The following GRIK2 variants were observed in gnomAD, a reference collection of about 807,000 sequenced individuals.
GRIK2 encodes glutamate ionotropic receptor kainate type subunit 2, also known as glutamate receptor ionotropic, kainate 2.
In GRIK2, 32 loss-of-function variants were observed where a neutral mutation model predicts 100.3. That is an observed-to-expected ratio of 0.32 (90% CI 0.24 to 0.43). The LOEUF (loss-of-function observed/expected upper bound fraction) is 0.43, where lower values mean the gene tolerates loss of function less well. Ranked by LOEUF, GRIK2 falls within the 20% of genes least tolerant of loss-of-function variation. The pLI, the probability that GRIK2 is intolerant of heterozygous loss-of-function variation, is 1.00. For missense variants in GRIK2, 843 were observed against 1,114.9 expected (o/e 0.76, Z 3.47); for synonymous variants, 417 against 389.4 (o/e 1.07, Z -0.83).
chr6:101,813,692 G>A (rs886460581), intron 9 of GRIK2, among the ~76,000 whole-genome samples: 3 of 152,078 alleles, frequency 2.0e-5, no homozygotes, highest in Admixed American at 2.0e-4. Flanking sequence ...GGCTGGGCAC[G>A]GTGGCTCATG....
intron 9 of GRIK2, among the ~76,000 whole-genome samples, chr6:101,808,378 A>G (rs1456365762): frequency 6.6e-6 from 1 of 152,064 alleles, no homozygotes; most frequent in Non-Finnish European, 1.5e-5. Flanking sequence ...CTGTAATGCA[A>G]TAATAAAATC....
At chr6:101,506,030 A>G (rs983275313) in intron 2 of GRIK2, among the ~76,000 whole-genome samples, 13 of 152,134 alleles carry the variant, frequency 8.5e-5, no homozygotes, top group African/African-American at 3.1e-4. Flanking sequence ...ATGAGCTGAC[A>G]TTGTTATACG....
intron 2 of GRIK2, among the ~76,000 whole-genome samples, chr6:101,511,769 CAT>C (rs1380556005): frequency 7.6e-6 from 1 of 130,998 alleles, no homozygotes; most frequent in African/African-American, 2.6e-5. Context: ...TTTAGATAAT[CAT>C]ATATGATTTG....
chr6:101,536,229 T>C (rs1233103926), intron 2 of GRIK2, among the ~76,000 whole-genome samples: 1 of 151,776 alleles, frequency 6.6e-6, no homozygotes, highest in Non-Finnish European at 1.5e-5. Context: ...CAACATACTC[T>C]ATTCATGTTG....
chr6:101,518,234 A>T (rs923936724), intron 2 of GRIK2, among the ~76,000 whole-genome samples: 4 of 152,290 alleles, frequency 2.6e-5, no homozygotes, highest in East Asian at 3.9e-4. Flanking sequence ...GTTAGAGAGA[A>T]AAACAGTCAC....
At chr6:101,911,827 TAC>T (rs1236211924) in intron 12 of GRIK2, among the ~76,000 whole-genome samples, 2 of 151,484 alleles carry the variant, frequency 1.3e-5, no homozygotes, top group African/African-American at 4.8e-5. Context: ...TACACAATAA[TAC>T]ACACACATAA....
chr6:101,878,907 T>A (rs921506586), intron 11 of GRIK2, among the ~76,000 whole-genome samples: 4 of 152,054 alleles, frequency 2.6e-5, no homozygotes, highest in Non-Finnish European at 4.4e-5. Flanking sequence ...TATTTTACTG[T>A]TATAAACTCA....
At chr6:101,509,936 A>G (rs1234293818) in intron 2 of GRIK2, among the ~76,000 whole-genome samples, 2 of 152,166 alleles carry the variant, frequency 1.3e-5, no homozygotes, top group African/African-American at 2.4e-5. Flanking sequence ...AAATATTCAT[A>G]AAGTATTTTA....
intron 2 of GRIK2, among the ~76,000 whole-genome samples, chr6:101,611,960 C>G (rs984984064): frequency 1.6e-4 from 24 of 151,674 alleles, no homozygotes; most frequent in African/African-American, 5.1e-4. Flanking sequence ...AGAATTTGTT[C>G]AAAGAAACAA....
chr6:101,838,437 A>C (rs1783279659), intron 10 of GRIK2, among the ~76,000 whole-genome samples: 1 of 152,150 alleles, frequency 6.6e-6, no homozygotes, highest in Non-Finnish European at 1.5e-5. Context: ...GTGTAACAAA[A>C]AGGTCATGGA....
At chr6:101,895,337 G>T (rs1244239197) in intron 12 of GRIK2, among the ~76,000 whole-genome samples, 1 of 151,598 alleles carries the variant, frequency 6.6e-6, no homozygotes, top group East Asian at 1.9e-4. Context: ...AGGCAGCAGG[G>T]CATGGACTCC....
At chr6:101,581,167 CAT>C (rs56887492) in intron 2 of GRIK2, among the ~76,000 whole-genome samples, 24,269 of 148,518 alleles carry the variant, frequency 0.16, 2,283 homozygotes, top group Middle Eastern at 0.26. Context: ...GATATATATA[CAT>C]ATATATATAT....
chr6:101,823,162 T>C (rs1782069471), intron 10 of GRIK2, among the ~76,000 whole-genome samples: 1 of 152,162 alleles, frequency 6.6e-6, no homozygotes, highest in Admixed American at 6.6e-5. Flanking sequence ...CTTTAAACTA[T>C]AATCTCAGAT....
At chr6:101,902,460 C>G (rs1934676) in intron 12 of GRIK2, among the ~76,000 whole-genome samples, 13,211 of 151,840 alleles carry the variant, frequency 0.087, 794 homozygotes, top group Middle Eastern at 0.21. Context: ...GGAAACAATT[C>G]TAAACTTAAA....
At chr6:101,829,171 C>A (rs1782519070) in intron 10 of GRIK2, among the ~76,000 whole-genome samples, 1 of 151,998 alleles carries the variant, frequency 6.6e-6, no homozygotes, top group Non-Finnish European at 1.5e-5. Flanking sequence ...ATATGGTCAT[C>A]TGAATAGATG....
At chr6:102,021,433 AATC>A (rs1769419270) in intron 14 of GRIK2, among the ~76,000 whole-genome samples, 1 of 125,458 alleles carries the variant, frequency 8.0e-6, no homozygotes, top group East Asian at 2.3e-4. Context: ...ATTACAAATA[AATC>A]ATCTACATTA....
intron 1 of GRIK2, among the ~76,000 whole-genome samples, chr6:101,398,606 C>T (rs750772374): frequency 1.3e-4 from 20 of 152,188 alleles, no homozygotes; most frequent in Non-Finnish European, 2.4e-4. Context: ...TAATGAAATT[C>T]ATCAGTTGAT....
chr6:101,791,646 A>T (rs1192774830), intron 7 of GRIK2, among the ~76,000 whole-genome samples: 1 of 151,742 alleles, frequency 6.6e-6, no homozygotes, highest in Non-Finnish European at 1.5e-5. Flanking sequence ...TCAATTTTGG[A>T]ATAGGTGTGG....
chr6:102,043,448 G>A (rs1582776674), intron 15 of GRIK2, among the ~76,000 whole-genome samples: 1 of 151,882 alleles, frequency 6.6e-6, no homozygotes, highest in Non-Finnish European at 1.5e-5. Context: ...TCCAGCCTCT[G>A]CTTTCTGTTT....
Sources: allele counts gnomAD v4.1 joint callset (sites outside exome capture counted in the v4.1 genomes callset), GRCh38; gene constraint gnomAD v4.1.1; transcripts MANE v1.5; gene names NCBI Gene and HGNC (gene_info 2026-07-23, HGNC 2026-07-21).